The following SORCS1 variants were observed in gnomAD, a reference collection of about 807,000 sequenced individuals.
The protein encoded by SORCS1 is sortilin related VPS10 domain containing receptor 1, also known as VPS10 domain-containing receptor SorCS1.
SORCS1 carries 60 observed loss-of-function variants against 146.1 expected under a neutral mutation model. The observed-to-expected ratio is 0.41, with a 90% CI of 0.33 to 0.51. The LOEUF is 0.51. Ranked by LOEUF, SORCS1 falls within the 20% of genes least tolerant of loss-of-function variation. The pLI is 0.21. For missense variants in SORCS1, 1,352 were observed against 1,487.6 expected, an observed-to-expected ratio of 0.91 and a Z score of 1.50; for synonymous variants, 637 against 584.0, an observed-to-expected ratio of 1.09 and a Z score of -1.31.
chr10:107,139,224 C>T (rs2134701419), intron 1 of SORCS1, among the ~76,000 whole-genome samples: 1 of 152,256 alleles, frequency 6.6e-6, no homozygotes, highest in South Asian at 2.1e-4. Context: ...GGATAAGTCA[C>T]TAGTCTTGGA....
intron 1 of SORCS1, among the ~76,000 whole-genome samples, chr10:107,153,480 T>C (rs536070330): frequency 6.6e-6 from 1 of 152,296 alleles, no homozygotes; most frequent in South Asian, 2.1e-4. Flanking sequence ...TCACTGGAAT[T>C]TCTGGGATAT....
intron 6 of SORCS1, among the ~76,000 whole-genome samples, chr10:106,719,418 C>T (rs868498847): frequency 7.4e-5 from 10 of 135,984 alleles, no homozygotes; most frequent in African/African-American, 2.3e-4. Flanking sequence ...TTCTTTCTTT[C>T]TTTTTTTTTT....
intron 3 of SORCS1, among the ~76,000 whole-genome samples, chr10:106,810,047 C>A (rs1252641926): frequency 6.6e-6 from 1 of 152,136 alleles, no homozygotes; most frequent in East Asian, 1.9e-4. Context: ...ATGGCAAAAG[C>A]CCGTCTCTAC....
At chr10:106,625,986 C>G (rs574726830) in intron 19 of SORCS1, among the ~76,000 whole-genome samples, 1 of 152,196 alleles carries the variant, frequency 6.6e-6, no homozygotes, top group South Asian at 2.1e-4. Context: ...TACCAACTGT[C>G]AGGCTACAGG....
chr10:106,782,258 A>T (rs966409804), intron 3 of SORCS1, among the ~76,000 whole-genome samples: 1 of 152,204 alleles, frequency 6.6e-6, no homozygotes, highest in Non-Finnish European at 1.5e-5. Flanking sequence ...TTTAACGGAA[A>T]AAAACAAGCA....
Position 106,652,402 on chromosome 10 carries a change from G to C in SORCS1, c.2455C>G (p.Leu819Val), listed in dbSNP as rs1233016118. 4.3e-6 allele frequency: 7 copies of C among 1,614,122 alleles called. No individual in the cohort carries two copies. Among genetic ancestry groups the C allele is most frequent in the East Asian group, 2.2e-5 (1 of 44,878 alleles). Residue 819 changes from leucine (L) to valine (V), a missense_variant, in exon 18 of 26, where the codon CTC becomes GTC. This residue lies in a region of SORCS1 where 648 missense variants were observed against 793.8 expected (regional missense o/e 0.82). Coordinates refer to ENST00000263054, the MANE Select transcript of SORCS1 (RefSeq NM_052918.5). ...CCTACCTCTTCTAATTGCACCATGA[G>C]AGTGACGTTGTGTCCTTGTTCCGCT... Reference protein sequence around the residue: ...LTAEQGHNVTLMVQLEEGDVQ... With the variant: ...LTAEQGHNVTVMVQLEEGDVQ...
intron 2 of SORCS1, among the ~76,000 whole-genome samples, chr10:106,943,952 A>ATG (rs1297487154): frequency 3.3e-5 from 5 of 151,954 alleles, no homozygotes; most frequent in African/African-American, 4.8e-5. Flanking sequence ...CATTGCAGAT[A>ATG]TGTTTCTCCC....
chr10:107,020,922 T>C (rs924377987), intron 1 of SORCS1, among the ~76,000 whole-genome samples: 1 of 152,208 alleles, frequency 6.6e-6, no homozygotes, highest in Non-Finnish European at 1.5e-5. Context: ...CTTTTATTTA[T>C]AGATATAGAG....
chr10:107,024,340 G>A (rs1345563869), intron 1 of SORCS1, among the ~76,000 whole-genome samples: 1 of 152,026 alleles, frequency 6.6e-6, no homozygotes, highest in Non-Finnish European at 1.5e-5. Context: ...GGCAAGAGAG[G>A]GGGTGAGAGA....
chr10:106,889,120 C>T (rs1386601963), intron 2 of SORCS1, among the ~76,000 whole-genome samples: 2 of 152,008 alleles, frequency 1.3e-5, no homozygotes, highest in African/African-American at 2.4e-5. Context: ...CACAGAAATA[C>T]GGGGAAAGGC....
At chr10:106,946,344 C>A (rs1422454697) in intron 2 of SORCS1, among the ~76,000 whole-genome samples, 1 of 152,202 alleles carries the variant, frequency 6.6e-6, no homozygotes, top group Non-Finnish European at 1.5e-5. Flanking sequence ...TGTGTCCCTA[C>A]CCAAATCTTG....
intron 5 of SORCS1, among the ~76,000 whole-genome samples, chr10:106,737,713 A>G (rs1409631649): frequency 1.3e-5 from 2 of 152,052 alleles, no homozygotes; most frequent in East Asian, 3.9e-4. Flanking sequence ...CCCCCACCAA[A>G]AAAGGATAAA....
chr10:107,138,429 T>G (rs1967525596), intron 1 of SORCS1, among the ~76,000 whole-genome samples: 1 of 152,150 alleles, frequency 6.6e-6, no homozygotes, highest in Non-Finnish European at 1.5e-5. Context: ...TCATACACAG[T>G]TTTTCCCCTC....
intron 9 of SORCS1, among the ~76,000 whole-genome samples, chr10:106,698,350 T>C (rs75921582): frequency 6.6e-6 from 1 of 152,356 alleles, no homozygotes; most frequent in African/African-American, 2.4e-5. Flanking sequence ...ACTGTACATA[T>C]CTGAATCCAT....
intron 2 of SORCS1, among the ~76,000 whole-genome samples, chr10:106,944,871 C>CTTTTTTTTTTTTTTTTTTTTTTTT (rs1564838013): frequency 1.6e-5 from 1 of 61,024 alleles, no homozygotes; most frequent in African/African-American, 4.5e-5. Flanking sequence ...AAGAAAGAGC[C>CTTTTTTTTTTTTTTTTTTTTTTTT]TTCTTTTTTT....
chr10:106,760,442 C>CA (rs34324078), intron 5 of SORCS1, among the ~76,000 whole-genome samples: 6,598 of 45,426 alleles, frequency 0.15, 763 homozygotes, highest in East Asian at 0.25. Flanking sequence ...GACTCCGTCT[C>CA]AAAAAAAAAA....
At position 106,756,136 on chromosome 10, in the gene SORCS1, A is replaced by T. The variant is rs189098204; in HGVS notation, c.959+5452T>A. Reference sequence around the variant, plus strand: ...AGAGCAAGACAATGTCTCAAAAAAAAAAATAAATAAAATAAGTAAGCCTAA... The same window carrying T: ...AGAGCAAGACAATGTCTCAAAAAAATAAATAAATAAAATAAGTAAGCCTAA... On this transcript the variant is annotated intron_variant, in intron 5 of 25. Coordinates refer to ENST00000263054, the MANE Select transcript of SORCS1 (RefSeq NM_052918.5). Among the ~76,000 whole-genome samples, 584 of 152,198 alleles carry T rather than the reference A, an allele frequency of 3.8e-3. 2 individuals carry two copies. Among genetic ancestry groups the T allele is most frequent in the Middle Eastern group, 0.014 (4 of 294 alleles).
chr10:106,973,040 C>T (rs1955856529), intron 1 of SORCS1, among the ~76,000 whole-genome samples: 1 of 152,102 alleles, frequency 6.6e-6, no homozygotes, highest in South Asian at 2.1e-4. Context: ...CTGAGATCTC[C>T]GTGGATTCCA....
At chr10:106,750,847 C>G (rs941046246) in intron 5 of SORCS1, among the ~76,000 whole-genome samples, 1 of 144,330 alleles carries the variant, frequency 6.9e-6, no homozygotes, top group Non-Finnish European at 1.5e-5. Context: ...ATCACGAGGT[C>G]AAGAGATGGA....
Sources: allele counts gnomAD v4.1 joint callset (sites outside exome capture counted in the v4.1 genomes callset), GRCh38; gene constraint gnomAD v4.1.1; regional missense constraint gnomAD v4.1.1; transcripts MANE v1.5; gene names NCBI Gene and HGNC (gene_info 2026-07-23, HGNC 2026-07-21).